The following BAALC variants were observed in gnomAD, a reference collection of about 807,000 sequenced individuals.
BAALC encodes BAALC binder of MAP3K1 and KLF4.
Under a neutral mutation model 15.5 loss-of-function variants are expected in BAALC, and 9 were observed. The ratio of observed to expected loss-of-function variants is 0.58; its 90% CI spans 0.35 to 1.02. The LOEUF (loss-of-function observed/expected upper bound fraction) is 1.02. BAALC is among the 50% of genes least tolerant of loss of function. The pLI, the probability that BAALC is intolerant of heterozygous loss-of-function variation, is 0.02. For synonymous variants in BAALC, 80 were observed against 74.6 expected (o/e 1.07, Z -0.37); for missense variants, 201 against 192.4 (o/e 1.04, Z -0.27).
chr8:103,155,723 T>C (rs1041037769), intron 1 of BAALC, among the ~76,000 whole-genome samples: 5 of 152,212 alleles, frequency 3.3e-5, no homozygotes, highest in Non-Finnish European at 7.3e-5. Flanking sequence ...CAGATTCACC[T>C]GGGGAATCTC....
At chr8:103,158,680 C>T (rs1586381589) in intron 1 of BAALC, among the ~76,000 whole-genome samples, 3 of 138,058 alleles carry the variant, frequency 2.2e-5, no homozygotes, top group East Asian at 4.3e-4. Flanking sequence ...ATATACAATA[C>T]ATACAATACA....
chr8:103,200,841 G>A (rs1812199020), intron 1 of BAALC: 1 of 581,478 alleles, frequency 1.7e-6, no homozygotes, highest in Non-Finnish European at 3.2e-6. Flanking sequence ...CATGGCAATT[G>A]CTTCCTAAAG....
intron 1 of BAALC, among the ~76,000 whole-genome samples, chr8:103,187,178 C>T (rs1200067458): frequency 6.6e-6 from 1 of 152,160 alleles, no homozygotes; most frequent in Admixed American, 6.5e-5. Context: ...CTTCCAGGCA[C>T]ATTTATTTTT....
intron 1 of BAALC, among the ~76,000 whole-genome samples, chr8:103,209,556 G>C (rs1812403541): frequency 6.6e-6 from 1 of 151,996 alleles, no homozygotes; most frequent in South Asian, 2.1e-4. Flanking sequence ...CACCCCATGA[G>C]CCCCACCCTT....
intron 2 of BAALC, among the ~76,000 whole-genome samples, chr8:103,215,665 A>AC (rs1812538936): frequency 6.6e-6 from 1 of 152,218 alleles, no homozygotes. Context: ...AGGGGGCAAA[A>AC]CCAAACTACT....
intron 1 of BAALC, among the ~76,000 whole-genome samples, chr8:103,160,689 C>T (rs1005709455): frequency 1.3e-5 from 2 of 151,992 alleles, no homozygotes; most frequent in African/African-American, 2.4e-5. Context: ...CACAAGGTCC[C>T]ACAATAGGCT....
chr8:103,203,371 C>T lies in BAALC; in HGVS notation c.161-9548C>T, dbSNP rs571730492. Among the ~76,000 whole-genome samples, 17 of 152,300 alleles carry T rather than the reference C, an allele frequency of 1.1e-4. No homozygotes were observed. The South Asian group carries it at 3.1e-3, about 28-fold the overall frequency. ...AAATCCAAATGTGCTTCTATATTTT[C>T]TTTAGTCAATAAACATTCCAAAATG... On this transcript the variant is annotated intron_variant, in intron 1 of 2. Transcript: ENST00000309982.
chr8:103,193,867 A>G (rs1812030551), intron 1 of BAALC, among the ~76,000 whole-genome samples: 1 of 152,222 alleles, frequency 6.6e-6, no homozygotes, highest in Non-Finnish European at 1.5e-5. Flanking sequence ...CTTCCCTGGT[A>G]CACAGTGAAC....
Position 103,228,133 on chromosome 8 carries a change from T to A in BAALC, c.*34T>A. On this transcript the variant is annotated 3_prime_UTR_variant, in exon 3 of 3. Coordinates refer to ENST00000309982, the MANE Select transcript of BAALC (RefSeq NM_024812.3). Reference sequence around the variant, plus strand: ...CCAAGCAGAAGGGCAGATGGACTTCTTCAGTGTCCTTCACGGCACTGGATC... The same window carrying A: ...CCAAGCAGAAGGGCAGATGGACTTCATCAGTGTCCTTCACGGCACTGGATC... The A allele has an allele frequency of 7.2e-7, 1 of 1,384,896 alleles. No individual in the cohort carries two copies. Among genetic ancestry groups the A allele is most frequent in the Non-Finnish European group, 1.0e-6 (1 of 974,674 alleles). 85.8% of individuals were successfully genotyped at this position (1,384,896 alleles called of 1,614,324 possible). A position where few individuals can be genotyped will look rare whatever the true frequency, so the allele number is the denominator to read the frequency against.
chr8:103,219,185 C>G (rs574396212), intron 2 of BAALC, among the ~76,000 whole-genome samples: 4 of 152,258 alleles, frequency 2.6e-5, no homozygotes, highest in South Asian at 2.1e-4. Flanking sequence ...TTGTAAGACT[C>G]GGTATTCATG....
intron 1 of BAALC, among the ~76,000 whole-genome samples, chr8:103,160,729 G>A (rs578041693): frequency 1.2e-4 from 18 of 152,256 alleles, no homozygotes; most frequent in African/African-American, 1.7e-4. Flanking sequence ...AGGAGAGCCC[G>A]TTTGAGTCCC....
chr8:103,141,443 C>T, intron 1 of BAALC: 1 of 198,388 alleles, frequency 5.0e-6, no homozygotes, highest in East Asian at 1.2e-4. Context: ...CTGCCATCCC[C>T]TGGCCACCTG....
At chr8:103,175,403 C>G (rs904448078) in intron 1 of BAALC, among the ~76,000 whole-genome samples, 2 of 152,188 alleles carry the variant, frequency 1.3e-5, no homozygotes, top group Admixed American at 6.5e-5. Context: ...AATTTCAGAA[C>G]TGTTTTATCA....
chr8:103,210,836 G>C (rs1386978561), intron 1 of BAALC, among the ~76,000 whole-genome samples: 1 of 152,198 alleles, frequency 6.6e-6, no homozygotes, highest in Non-Finnish European at 1.5e-5. Context: ...GAATATTGCT[G>C]TCTTATATAC....
chr8:103,181,008 C>T (rs1263278315), intron 1 of BAALC, among the ~76,000 whole-genome samples: 2 of 152,172 alleles, frequency 1.3e-5, no homozygotes, highest in African/African-American at 2.4e-5. Context: ...TTTCCTTTCT[C>T]TGGGATATAA....
chr8:103,169,226 C>T (rs1241120053), intron 1 of BAALC, among the ~76,000 whole-genome samples: 1 of 151,800 alleles, frequency 6.6e-6, no homozygotes, highest in African/African-American at 2.4e-5. Flanking sequence ...TTTTTCATTC[C>T]CTCTACCTTA....
chr8:103,149,279 C>T (rs1228815274), intron 1 of BAALC, among the ~76,000 whole-genome samples: 6 of 152,340 alleles, frequency 3.9e-5, no homozygotes, highest in Admixed American at 2.0e-4. Context: ...GGTGCTTACA[C>T]TGCCCTCTCC....
At chr8:103,181,134 G>A (rs979603382) in intron 1 of BAALC, among the ~76,000 whole-genome samples, 3 of 152,096 alleles carry the variant, frequency 2.0e-5, no homozygotes, top group African/African-American at 7.2e-5. Context: ...TCCCACAACG[G>A]TTCCTTCCTG....
chr8:103,166,420 TC>T (rs780603562), intron 1 of BAALC: 1 of 152,482 alleles, frequency 6.6e-6, no homozygotes, highest in Non-Finnish European at 1.5e-5. Context: ...AGGAATATTT[TC>T]TTTGTTTCCA....
Sources: gnomAD v4.1 joint callset for allele counts (sites outside exome capture counted in the v4.1 genomes callset) on GRCh38, gnomAD v4.1.1 for gene constraint, MANE v1.5 for transcripts, NCBI Gene and HGNC (gene_info 2026-07-23, HGNC 2026-07-21) for gene names.